Variants in TMEM79 observed in about 807,000 individuals in gnomAD.
TMEM79 encodes the protein mattrin.
In TMEM79, 30 loss-of-function variants were observed where a neutral mutation model predicts 31.2. The observed-to-expected ratio is 0.96, with a 90% CI of 0.72 to 1.30. The LOEUF (loss-of-function observed/expected upper bound fraction) is 1.30, where lower values mean the gene tolerates loss of function less well. Ranked by LOEUF, TMEM79 falls within the 50% of genes most tolerant of loss-of-function variation. The pLI is 0.00. For synonymous variants in TMEM79, 213 were observed against 229.5 expected, an observed-to-expected ratio of 0.93 and a Z score of 0.65; for missense variants, 509 against 528.2, an observed-to-expected ratio of 0.96 and a Z score of 0.36.
intron 3 of TMEM79, among the ~76,000 whole-genome samples, chr1:156,287,608 T>A (rs1265045002): frequency 1.9e-5 from 1 of 52,132 alleles, no homozygotes; most frequent in Non-Finnish European, 5.0e-5. Context: ...ACTCTCCACT[T>A]TTTTTTTTTT....
intron 2 of TMEM79, 93 bp from the exon 3 acceptor site, chr1:156,286,167 G>A (rs1327965783): frequency 2.8e-6 from 4 of 1,405,840 alleles, no homozygotes; most frequent in African/African-American, 1.4e-5. Context: ...TAGAGCCCAT[G>A]CACTGCCCAC....
Position 156,286,496 on chromosome 1 carries a change from G to A in TMEM79, c.971+23G>A, listed in dbSNP as rs199616044. The A allele has an allele frequency of 8.7e-6, 14 of 1,610,464 alleles. No individual in the cohort carries two copies. In the Admixed American group the frequency reaches 1.0e-4, roughly 12 times the overall value. ...CCGGTAAGTTGGGGCAGAGGGTGGG[G>A]CATGGGAGAGGGGATGGTGCTAGAG... On this transcript the variant is annotated intron_variant, in intron 3 of 3. Coordinates refer to ENST00000405535, the MANE Select transcript of TMEM79 (RefSeq NM_032323.3).
In TMEM79 at chr1:156,292,308, TG is replaced by T. The variant is rs1427064383; in HGVS notation, c.*711del. ...GGAAATCTGCCTACCAAGAGGGGTG[TG>T]TGTGTCTTTGTGCCCACACGTGGTG... On this transcript the variant is annotated 3_prime_UTR_variant, in exon 4 of 4. Coordinates refer to ENST00000405535, the MANE Select transcript of TMEM79 (RefSeq NM_032323.3). 6.5e-6 allele frequency: 1 copy of T among 153,356 alleles called. No individual in the cohort carries two copies. The highest frequency in any genetic ancestry group is 1.4e-5 in the Non-Finnish European group (1 of 69,118). 9.5% of individuals were successfully genotyped at this position (153,356 alleles called of 1,614,324 possible).
intron 3 of TMEM79, among the ~76,000 whole-genome samples, chr1:156,287,071 C>A (rs868391828): frequency 2.0e-5 from 3 of 152,090 alleles, no homozygotes; most frequent in South Asian, 4.2e-4. Flanking sequence ...TGCAGTGACA[C>A]AAGATCGTGT....
rs1275157851 is a variant in TMEM79, at chr1:156,291,911, C to G, written c.*313C>G. The G allele has an allele frequency of 1.7e-6, 1 of 573,788 alleles. No homozygotes were observed. Among genetic ancestry groups the G allele is most frequent in the African/African-American group, 1.9e-5 (1 of 53,552 alleles). The allele number at this position is 573,788 out of a possible 1,614,324, so 35.5% of individuals were successfully genotyped here. A position where few individuals can be genotyped will look rare whatever the true frequency, so the allele number is the denominator to read the frequency against. ...GGGAGAGGCACAGCTCCTTCCTGAG[C>G]AGCCTCTCACCACTGCCACAAGGCT... is the stretch of plus-strand genomic sequence containing the variant. On this transcript the variant is annotated 3_prime_UTR_variant, in exon 4 of 4. Transcript: ENST00000405535.
In TMEM79 at chr1:156,287,426, A is replaced by G. The variant is rs573294646; in HGVS notation, c.971+953A>G. Among the ~76,000 whole-genome samples the G allele has an allele frequency of 1.2e-4, 18 of 152,142 alleles. No homozygotes were observed. The East Asian group carries it at 1.4e-3, about 11-fold the overall frequency. ...GTGAGACTCCGTCTCAAACAAATAA[A>G]TAAATAATTAAAATTAAAAAAATAT... On this transcript the variant is annotated intron_variant, in intron 3 of 3. Transcript: ENST00000405535.
intron 3 of TMEM79, 105 bp from the exon 4 acceptor site, chr1:156,291,280 C>T: frequency 1.0e-6 from 1 of 989,488 alleles, no homozygotes; most frequent in Non-Finnish European, 1.6e-6. Flanking sequence ...CCATACCCAC[C>T]AACTGCATCT....
At chr1:156,291,008 C>CG in intron 3 of TMEM79, 3 of 226,594 alleles carry the variant, frequency 1.3e-5, no homozygotes, top group South Asian at 8.1e-5. Context: ...GGTGTGGTGG[C>CG]CCGCATCTGT....
intron 3 of TMEM79, among the ~76,000 whole-genome samples, chr1:156,289,501 A>T (rs1663254790): frequency 6.6e-6 from 1 of 152,182 alleles, no homozygotes; most frequent in East Asian, 1.9e-4. Context: ...AGTCCCAGCT[A>T]CTCAGGAGGC....
chr1:156,291,887 G>A lies in TMEM79; in HGVS notation c.*289G>A. On this transcript the variant is annotated 3_prime_UTR_variant, in exon 4 of 4. Transcript: ENST00000405535. ...CTGAGGGCATGGGGCCAGGACCAGG[G>A]GAGAGGCACAGCTCCTTCCTGAGCA... is the stretch of plus-strand genomic sequence containing the variant. The A allele has an allele frequency of 3.4e-6, 2 of 588,368 alleles. No homozygotes were observed. The highest frequency in any genetic ancestry group is 2.1e-5 in the South Asian group (1 of 47,340). The allele number at this position is 588,368 out of a possible 1,614,324, so 36.4% of individuals were successfully genotyped here. A position where few individuals can be genotyped will look rare whatever the true frequency, so the allele number is the denominator to read the frequency against.
chr1:156,287,944 C>T (rs1333678257), intron 3 of TMEM79, among the ~76,000 whole-genome samples: 1 of 151,872 alleles, frequency 6.6e-6, no homozygotes, highest in Non-Finnish European at 1.5e-5. Context: ...TCAGACTTTG[C>T]CATCACCTAA....
chr1:156,286,652 GAAGC>G (rs935456526), intron 3 of TMEM79, among the ~76,000 whole-genome samples, 179 bp downstream of exon 3: 4 of 152,186 alleles, frequency 2.6e-5, no homozygotes, highest in Middle Eastern at 3.2e-3. Flanking sequence ...TCAGCAGATG[GAAGC>G]CGATTTCAGA....
Position 156,285,790 on chromosome 1 carries a change from C to A in TMEM79, c.564C>A (p.Gly188=), listed in dbSNP as rs1484961737. The A allele has an allele frequency of 6.2e-7, 1 of 1,613,496 alleles. No individual in the cohort carries two copies. The highest frequency in any genetic ancestry group is 1.3e-5 in the African/African-American group (1 of 75,054). The change falls in exon 2 of 4, where the codon GGC becomes GGA. Residue 188 remains glycine (G), a synonymous_variant. Coordinates refer to ENST00000405535, the MANE Select transcript of TMEM79 (RefSeq NM_032323.3). ...GGCCGCCTGGCTGTTCCTGTGGGGG[C>A]TGCGGGAGCTGTGGAGACCGTGAGT... ...VVRPPGCSCG[G]CGSCGDREWL...
At chr1:156,284,150 AC>A (rs1405256173), upstream of TMEM79, 4 of 152,134 alleles carry the variant, frequency 2.6e-5, no homozygotes, top group Non-Finnish European at 5.9e-5. Flanking sequence ...ATGTGAACTT[AC>A]CCCTTTGCCC....
chr1:156,285,658 C>T lies in TMEM79; in HGVS notation c.432C>T (p.Asp144=), dbSNP rs755292062. The T allele has an allele frequency of 6.2e-7, 1 of 1,613,970 alleles. No individual in the cohort carries two copies. The highest frequency in any genetic ancestry group is 8.5e-7 in the Non-Finnish European group (1 of 1,179,982). ...GCATTGAGCGGCAGCCCCAAGAAGA[C>T]CTTATCGTGCGCTGTGAGGCAGGCG... is the stretch of plus-strand genomic sequence containing the variant. ...LQCIERQPQE[D]LIVRCEAGEG... The change falls in exon 2 of 4, where the codon GAC becomes GAT. Residue 144 remains aspartate, a synonymous_variant. Coordinates refer to ENST00000405535, the MANE Select transcript of TMEM79 (RefSeq NM_032323.3).
upstream of TMEM79, chr1:156,283,129 C>T (rs942368925): frequency 1.9e-5 from 6 of 316,630 alleles, no homozygotes; most frequent in Non-Finnish European, 2.9e-5. Context: ...CATCCTTCTG[C>T]CCCTTTCCCG....
chr1:156,285,302 T>A lies in TMEM79; in HGVS notation c.76T>A (p.Leu26Met). ...CCCAGAGAAGAGCTCACCCCAGGCC[T>A]TGGTTCCCAATGGCCGGCAGCCAGA... ...DSPEKSSPQA[L>M]VPNGRQPEGE... Residue 26 changes from leucine (L) to methionine (M), a missense_variant, in exon 2 of 4, where the codon TTG becomes ATG. Coordinates refer to ENST00000405535, the MANE Select transcript of TMEM79 (RefSeq NM_032323.3). 6.3e-7 allele frequency: 1 copy of A among 1,578,238 alleles called. No homozygotes were observed. The highest frequency in any genetic ancestry group is 8.6e-7 in the Non-Finnish European group (1 of 1,164,486).
intron 3 of TMEM79, chr1:156,290,736 G>C (rs1663293419): frequency 6.6e-6 from 1 of 151,694 alleles, no homozygotes; most frequent in African/African-American, 2.4e-5. Flanking sequence ...GGCTGAGGCA[G>C]GAGAATTGCT....
Position 156,285,497 on chromosome 1 carries a change from C to G in TMEM79, c.271C>G (p.Pro91Ala). The change falls in exon 2 of 4, where the codon CCC (proline) becomes GCC (alanine). Residue 91 changes from proline to alanine, a missense_variant. Pro to Ala is a conservative substitution (Grantham distance 27, BLOSUM62 -1). Coordinates refer to ENST00000405535, the MANE Select transcript of TMEM79 (RefSeq NM_032323.3). The part of the protein sequence containing the change: ...GPQPSAPFPD[P>A]PGWRDIEPEP... ...TCAGCCCAGTGCTCCGTTCCCGGAT[C>G]CCCCTGGCTGGCGGGACATTGAACC... 1 of 1,614,182 alleles carries G rather than the reference C, an allele frequency of 6.2e-7. No homozygotes were observed. Among genetic ancestry groups the G allele is most frequent in the Non-Finnish European group, 8.5e-7 (1 of 1,180,040 alleles).
Sources: allele counts gnomAD v4.1 joint callset (sites outside exome capture counted in the v4.1 genomes callset), GRCh38; gene constraint gnomAD v4.1.1; transcripts MANE v1.5; gene names NCBI Gene and HGNC (gene_info 2026-07-23, HGNC 2026-07-21).